The following CD160 variants were observed in gnomAD, a reference collection of about 807,000 sequenced individuals.
CD160 encodes the protein CD160 antigen.
A neutral mutation model predicts 19.2 loss-of-function variants in CD160; 11 were observed. The ratio of observed to expected loss-of-function variants is 0.57; its 90% CI spans 0.36 to 0.95. The LOEUF (loss-of-function observed/expected upper bound fraction) is 0.95, where lower values mean the gene tolerates loss of function less well. Among genes scored for constraint, CD160 ranks in the 40% least tolerant of loss-of-function variants. The pLI is 0.01. For missense variants in CD160, 182 were observed against 213.2 expected, an observed-to-expected ratio of 0.85 and a Z score of 0.91; for synonymous variants, 75 against 81.1, an observed-to-expected ratio of 0.93 and a Z score of 0.40.
intron 4 of CD160, among the ~76,000 whole-genome samples, chr1:145,734,204 T>C (rs997735448): frequency 7.9e-5 from 12 of 152,184 alleles, no homozygotes; most frequent in African/African-American, 2.7e-4. Context: ...CATATTCCTA[T>C]AGTCTCCTAA....
At position 145,728,343 on chromosome 1, in the gene CD160, G is replaced by A. The variant is rs782201693; in HGVS notation, c.16G>A (p.Gly6Ser). The part of the protein sequence containing the change: MLLEP[G>S]RGCCALAILL... ...AGCGTGCAGGATGCTGTTGGAACCC[G>A]GCAGAGGCTGCTGTGCCCTGGCCAT... Residue 6 changes from glycine to serine, a missense_variant, in exon 3 of 6, where the codon GGC (glycine) becomes AGC (serine). Transcript: ENST00000369288. The A allele has an allele frequency of 2.5e-6, 4 of 1,612,920 alleles. No individual in the cohort carries two copies. In the Admixed American group the frequency reaches 5.0e-5, roughly 20 times the overall value.
chr1:145,736,802 C>CTT (rs1424971441), intron 5 of CD160: 1 of 152,862 alleles, frequency 6.5e-6, no homozygotes, highest in African/African-American at 2.4e-5. Flanking sequence ...TATGTAAGGA[C>CTT]TTTGTCTTCT....
chr1:145,731,857 T>C (rs782449525), intron 4 of CD160, among the ~76,000 whole-genome samples: 22 of 151,966 alleles, frequency 1.4e-4, no homozygotes, highest in Admixed American at 9.2e-4. Context: ...CAAAGTACCA[T>C]AGATTAAAGG....
intron 1 of CD160, among the ~76,000 whole-genome samples, chr1:145,721,910 T>C (rs1282239838): frequency 1.3e-5 from 2 of 152,118 alleles, no homozygotes; most frequent in Admixed American, 6.5e-5. Context: ...CAGTCGTTCT[T>C]GTGTTAACAG....
chr1:145,728,701 A>G (rs1657161726), intron 3 of CD160, among the ~76,000 whole-genome samples: 1 of 151,862 alleles, frequency 6.6e-6, no homozygotes, highest in African/African-American at 2.4e-5. Flanking sequence ...ACGGGGTTTC[A>G]CCATATTGGT....
At chr1:145,722,296 A>C (rs1553707904) in intron 1 of CD160, among the ~76,000 whole-genome samples, 1 of 152,190 alleles carries the variant, frequency 6.6e-6, no homozygotes, top group Non-Finnish European at 1.5e-5. Context: ...AAGGAAGAGA[A>C]TATTTTGTCA....
chr1:145,729,215 A>G (rs1220483908), intron 3 of CD160, among the ~76,000 whole-genome samples: 4 of 152,182 alleles, frequency 2.6e-5, no homozygotes, highest in African/African-American at 4.8e-5. Flanking sequence ...GAAGACCCAT[A>G]TCTCTTACTC....
At position 145,725,283 on chromosome 1, in the gene CD160, TGGCAGGCGCCTGTAATCCCAGATACTC is replaced by T. The variant is rs1384688850; in HGVS notation, c.-73+412_-73+438del. Among the ~76,000 whole-genome samples, 609 of 151,776 alleles carry T rather than the reference TGGCAGGCGCCTGTAATCCCAGATACTC, an allele frequency of 4.0e-3. 1 individual carries two copies. The highest frequency in any genetic ancestry group is 0.013 in the African/African-American group (536 of 41,392). On this transcript the variant is annotated intron_variant, in intron 2 of 5. Transcript: ENST00000369288. ...AAATACAAAAATTAGCCGAGCGCAG[TGGCAGGCGCCTGTAATCCCAGATACTC>T]GGCAGGCGCCTGTAATCCCAGATAC... is the stretch of plus-strand genomic sequence containing the variant.
At chr1:145,724,308 G>T (rs1656971030) in intron 1 of CD160, among the ~76,000 whole-genome samples, 1 of 152,148 alleles carries the variant, frequency 6.6e-6, no homozygotes, top group African/African-American at 2.4e-5. Context: ...TTTTCTAGAT[G>T]TAAGTTATAT....
At chr1:145,726,730 T>TA (rs587755318) in intron 2 of CD160, among the ~76,000 whole-genome samples, 385 of 151,734 alleles carry the variant, frequency 2.5e-3, no homozygotes, top group African/African-American at 8.5e-3. Context: ...TAAAGTATAT[T>TA]AAAAAAAAGA....
chr1:145,722,638 C>G (rs1656898031), intron 1 of CD160, among the ~76,000 whole-genome samples: 2 of 152,248 alleles, frequency 1.3e-5, no homozygotes, highest in Admixed American at 1.3e-4. Context: ...GTCGCCCAGG[C>G]TGGAGTGCAG....
intron 2 of CD160, among the ~76,000 whole-genome samples, chr1:145,727,450 A>G (rs1213298614): frequency 6.6e-6 from 1 of 152,172 alleles, no homozygotes; most frequent in Non-Finnish European, 1.5e-5. Context: ...AACTATAAAA[A>G]GTAAAACAAT....
In CD160 at chr1:145,738,587, A is replaced by AT. The variant is rs1657590031; in HGVS notation, c.*95dup. 1 of 764,760 alleles carries AT rather than the reference A, an allele frequency of 1.3e-6. No homozygotes were observed. Among genetic ancestry groups the AT allele is most frequent in the African/African-American group, 1.8e-5 (1 of 55,698 alleles). The allele number at this position is 764,760 out of a possible 1,614,324, so 47.4% of individuals were successfully genotyped here. On this transcript the variant is annotated 3_prime_UTR_variant, in exon 6 of 6. Transcript: ENST00000369288. ...CTCATTACAATAGGCACAGAGAAGA[A>AT]TGCAACAGGGCACAGGGGAAGAGAT...
At chr1:145,721,691 CCTAGTGCGGAG>C (rs1421556392) in intron 1 of CD160, among the ~76,000 whole-genome samples, 1 of 152,126 alleles carries the variant, frequency 6.6e-6, no homozygotes, top group African/African-American at 2.4e-5. Context: ...TCCACAGCTA[CCTAGTGCGGAG>C]CCAGGACTGG....
intron 5 of CD160, chr1:145,738,242 G>A: frequency 3.1e-6 from 1 of 327,676 alleles, no homozygotes; most frequent in Non-Finnish European, 5.6e-6. Flanking sequence ...GTTCCTTCCA[G>A]CAAGGAGCGA....
At chr1:145,734,069 ATTCAGAGAGTTACTAAGTACTGCTG>A (rs1363051266) in intron 4 of CD160, among the ~76,000 whole-genome samples, 1 of 152,102 alleles carries the variant, frequency 6.6e-6, no homozygotes, top group African/African-American at 2.4e-5. Context: ...TTAACCCCCA[ATTCAGAGAGTTACTAAGTACTGCTG>A]TTCTTCCGCA....
At chr1:145,722,583 T>C (rs1656895783) in intron 1 of CD160, among the ~76,000 whole-genome samples, 1 of 152,084 alleles carries the variant, frequency 6.6e-6, no homozygotes, top group South Asian at 2.1e-4. Context: ...ACTATTAAGT[T>C]TTTTTTGTTT....
At position 145,738,483 on chromosome 1, in the gene CD160, C is replaced by T; in HGVS notation, c.539-3C>T. ...GGCAGTAATACAAACTTTCTTTCCA[C>T]AGCTTTGTAAGCCTTGTGCCAAAAG... On this transcript the variant is annotated splice_polypyrimidine_tract_variant and splice_region_variant and intron_variant, in intron 5 of 5. Transcript: ENST00000369288. The T allele has an allele frequency of 7.6e-7, 1 of 1,323,896 alleles. No individual in the cohort carries two copies. Among genetic ancestry groups the T allele is most frequent in the South Asian group, 2.9e-5 (1 of 34,756 alleles). 82.0% of individuals were successfully genotyped at this position (1,323,896 alleles called of 1,614,324 possible). A position where few individuals can be genotyped will look rare whatever the true frequency, so the allele number is the denominator to read the frequency against.
intron 2 of CD160, among the ~76,000 whole-genome samples, chr1:145,725,318 G>T (rs587706265): frequency 9.3e-5 from 14 of 151,088 alleles, no homozygotes; most frequent in African/African-American, 3.4e-4. Context: ...CTCGGCAGGC[G>T]CCTGTAATCC....
Sources: gnomAD v4.1 joint callset for allele counts (sites outside exome capture counted in the v4.1 genomes callset) on GRCh38, gnomAD v4.1.1 for gene constraint, MANE v1.5 for transcripts, NCBI Gene and HGNC (gene_info 2026-07-23, HGNC 2026-07-21) for gene names.